CLGN: variants seen among roughly 807,000 people sequenced by gnomAD.
CLGN encodes the protein calmegin, also known as testis tissue sperm-binding protein Li 79P.
Under a neutral mutation model 79.1 loss-of-function variants are expected in CLGN, and 62 were observed. The ratio of observed to expected loss-of-function variants is 0.78; its 90% confidence interval spans 0.64 to 0.97. CLGN has a LOEUF of 0.97. Ranked by LOEUF, CLGN falls within the 50% of genes least tolerant of loss-of-function variation. The probability of loss-of-function intolerance (pLI) is 0.00; values close to 1 mark genes in which losing one functional copy is unlikely to be tolerated. For missense variants in CLGN, 647 were observed against 715.5 expected (o/e 0.90, Z 1.09); for synonymous variants, 225 against 224.7 (o/e 1.00, Z -0.01).
intron 1 of CLGN, among the ~76,000 whole-genome samples, chr4:140,424,087 G>T (rs1180712598): frequency 6.6e-6 from 1 of 151,576 alleles, no homozygotes; most frequent in Non-Finnish European, 1.5e-5. Flanking sequence ...TCTTTTTCTA[G>T]TTCCTCAAGG....
At chr4:140,406,463 C>A (rs1475354163) in intron 4 of CLGN, among the ~76,000 whole-genome samples, 1 of 152,176 alleles carries the variant, frequency 6.6e-6, no homozygotes, top group East Asian at 1.9e-4. Context: ...TTTGAAACTG[C>A]ATATGACACA....
rs74373975 is a variant in CLGN at position 140,405,191 on chromosome 4, A to T, written c.419+751T>A. 9.3e-3 allele frequency among the ~76,000 whole-genome samples: 1,178 copies of T among 127,298 alleles called. 4 individuals carry two copies. Among genetic ancestry groups the T allele is most frequent in the African/African-American group, 0.012 (394 of 33,536 alleles). 83.5% of individuals were successfully genotyped at this position (127,298 alleles called of 152,430 possible). On this transcript the variant is annotated intron_variant, in intron 5 of 14. Coordinates refer to ENST00000325617, the MANE Select transcript of CLGN (RefSeq NM_004362.3). ...TTTTTTTATTTTTATTTTTTTTTTT[A>T]TTTTTTTTTTTGAGACGGAGTCTCG...
intron 10 of CLGN, among the ~76,000 whole-genome samples, chr4:140,394,784 T>C (rs1217455596): frequency 2.0e-5 from 3 of 152,246 alleles, no homozygotes; most frequent in Non-Finnish European, 4.4e-5. Flanking sequence ...TGTTAGAACG[T>C]ATCCATAAAT....
intron 5 of CLGN, among the ~76,000 whole-genome samples, chr4:140,405,285 C>G (rs1159763535): frequency 6.8e-6 from 1 of 146,456 alleles, no homozygotes; most frequent in Non-Finnish European, 1.5e-5. Context: ...CCCGGGTTCA[C>G]GCCATTCTCC....
At chr4:140,400,616 T>A in intron 6 of CLGN, 67 bp from the exon 7 acceptor site, 1 of 1,013,578 alleles carries the variant, frequency 9.9e-7, no homozygotes. Context: ...TTCTGTATTT[T>A]ATCCAATGGG....
intron 11 of CLGN, 110 bp from the exon 12 acceptor site, chr4:140,392,821 T>G (rs1034738162): frequency 2.0e-6 from 2 of 994,116 alleles, no homozygotes; most frequent in African/African-American, 3.4e-5. Flanking sequence ...TAAGGAGTGA[T>G]GAACTCGTAA....
intron 8 of CLGN, among the ~76,000 whole-genome samples, chr4:140,397,861 G>A (rs959251866): frequency 6.6e-6 from 1 of 152,156 alleles, no homozygotes; most frequent in African/African-American, 2.4e-5. Flanking sequence ...CTGAGATCAC[G>A]CCATTGCATT....
At chr4:140,416,754 T>C (rs1390853186) in intron 1 of CLGN, among the ~76,000 whole-genome samples, 4 of 152,146 alleles carry the variant, frequency 2.6e-5, no homozygotes, top group East Asian at 1.9e-4. Flanking sequence ...GATTCACAGC[T>C]GAATTCTACG....
intron 1 of CLGN, chr4:140,426,714 C>G (rs1729574039): frequency 6.6e-6 from 1 of 152,246 alleles, no homozygotes; most frequent in South Asian, 2.1e-4. Context: ...CTTTTCTCTC[C>G]CAGTCCTGAG....
intron 5 of CLGN, among the ~76,000 whole-genome samples, chr4:140,404,859 G>A (rs889055480): frequency 2.0e-5 from 3 of 151,826 alleles, no homozygotes; most frequent in Admixed American, 1.3e-4. Flanking sequence ...GTTTTGCCAT[G>A]TTGCCAGGTT....
chr4:140,396,918 TATATACAC>T (rs1385804676), intron 8 of CLGN, among the ~76,000 whole-genome samples: 36 of 133,384 alleles, frequency 2.7e-4, no homozygotes, highest in South Asian at 7.0e-4. Flanking sequence ...TATATATATA[TATATACAC>T]ATATATATAT....
chr4:140,399,699 C>T (rs576408679), intron 7 of CLGN, among the ~76,000 whole-genome samples: 1 of 152,276 alleles, frequency 6.6e-6, no homozygotes, highest in South Asian at 2.1e-4. Context: ...TTCCAATATG[C>T]TCTGATTTTG....
At chr4:140,401,486 G>C (rs1047097726) in intron 6 of CLGN, among the ~76,000 whole-genome samples, 3 of 152,096 alleles carry the variant, frequency 2.0e-5, no homozygotes, top group Non-Finnish European at 4.4e-5. Flanking sequence ...ACAGGAGAAG[G>C]CTATAAGAAA....
chr4:140,414,851 G>A (rs996193539), intron 1 of CLGN, among the ~76,000 whole-genome samples: 12 of 150,344 alleles, frequency 8.0e-5, no homozygotes, highest in African/African-American at 2.7e-4. Flanking sequence ...TACAGAGAAC[G>A]CCACAAAGAT....
rs145902730 is a variant in CLGN at position 140,392,277 on chromosome 4, T to C, written c.1593A>G (p.Glu531=). The change falls in exon 13 of 15, where the codon GAA becomes GAG. Residue 531 remains glutamate, a synonymous_variant. Coordinates refer to ENST00000325617, the MANE Select transcript of CLGN (RefSeq NM_004362.3). ...QEEKEEKAAL[E]KPMDLEEEKK... The stretch of plus-strand genomic sequence containing the variant: ...TTTCCTCTTCCAGGTCCATTGGTTT[T>C]TCCAGGGCTGCTTTCTCTTCCTTTT... The C allele has an allele frequency of 5.6e-6, 9 of 1,613,510 alleles. No homozygotes were observed. In the African/African-American group the frequency reaches 1.2e-4, roughly 22 times the overall value.
At chr4:140,396,903 A>ATATG (rs1553944644) in intron 8 of CLGN, among the ~76,000 whole-genome samples, 20 of 66,298 alleles carry the variant, frequency 3.0e-4, no homozygotes, top group African/African-American at 8.3e-4. Context: ...ATATATATAT[A>ATATG]TATGTATATA....
chr4:140,413,694 T>A lies in CLGN; in HGVS notation c.-9-607A>T, dbSNP rs559841673. On this transcript the variant is annotated intron_variant, in intron 1 of 14. Transcript: ENST00000325617. Reference sequence around the variant, plus strand: ...CACGAGATTATATCCCGCACCTGGCTTGGAGGGTCTTACGCCCACGGAGTC... The same window carrying A: ...CACGAGATTATATCCCGCACCTGGCATGGAGGGTCTTACGCCCACGGAGTC... 2.0e-4 allele frequency among the ~76,000 whole-genome samples: 31 copies of A among 152,232 alleles called. No individual in the cohort carries two copies. In the East Asian group the frequency reaches 5.8e-3, roughly 28 times the overall value.
At chr4:140,413,630 A>G (rs1729260221) in intron 1 of CLGN, among the ~76,000 whole-genome samples, 1 of 152,208 alleles carries the variant, frequency 6.6e-6, no homozygotes, top group Admixed American at 6.5e-5. Context: ...CTCCCACCGG[A>G]ATACTGCGCT....
chr4:140,400,606 T>G, intron 6 of CLGN, 57 bp from the exon 7 acceptor site: 1 of 1,133,888 alleles, frequency 8.8e-7, no homozygotes, highest in Admixed American at 2.5e-5. Flanking sequence ...TTTAATGCAT[T>G]TCTGTATTTT....
Sources: allele counts gnomAD v4.1 joint callset (sites outside exome capture counted in the v4.1 genomes callset), GRCh38; gene constraint gnomAD v4.1.1; transcripts MANE v1.5; gene names NCBI Gene and HGNC (gene_info 2026-07-23, HGNC 2026-07-21).